The following SSB variants were observed in gnomAD, a reference collection of about 807,000 sequenced individuals.
SSB encodes the protein lupus La protein.
In SSB, 17 loss-of-function variants were observed where a neutral mutation model predicts 52.9. The observed-to-expected ratio is 0.32, with a 90% CI of 0.22 to 0.48. The LOEUF (loss-of-function observed/expected upper bound fraction) is 0.48. Among genes scored for constraint, SSB ranks in the 20% least tolerant of loss-of-function variants. The probability of loss-of-function intolerance (pLI) is 0.99; values close to 1 mark genes in which losing one functional copy is unlikely to be tolerated. For missense variants in SSB, 314 were observed against 463.6 expected (o/e 0.68, Z 2.96); for synonymous variants, 111 against 152.1 (o/e 0.73, Z 1.99).
At position 169,807,327 on chromosome 2, in the gene SSB, C is replaced by T. The variant is rs1165403699; in HGVS notation, c.554+256C>T. 2.0e-5 allele frequency among the ~76,000 whole-genome samples: 3 copies of T among 151,534 alleles called. No homozygotes were observed. The South Asian group carries it at 6.2e-4, about 32-fold the overall frequency. Reference sequence around the variant, plus strand: ...TTTTTGAGACAAGTTTCACTCTTGTCACCCAGGCTGGAGTGCAGTGGTGTG... The same window carrying T: ...TTTTTGAGACAAGTTTCACTCTTGTTACCCAGGCTGGAGTGCAGTGGTGTG... On this transcript the variant is annotated intron_variant, in intron 6 of 11. Coordinates refer to ENST00000260956, the MANE Select transcript of SSB (RefSeq NM_003142.5).
At chr2:169,805,111 C>T (rs1398488676) in intron 2 of SSB, among the ~76,000 whole-genome samples, 2 of 151,340 alleles carry the variant, frequency 1.3e-5, no homozygotes, top group East Asian at 3.9e-4. Flanking sequence ...GCCTGAGCGA[C>T]AGAGTAAGAC....
chr2:169,808,610 A>G (rs894982706), intron 7 of SSB, 57 bp downstream of exon 7: 12 of 1,453,730 alleles, frequency 8.3e-6, no homozygotes, highest in Non-Finnish European at 1.2e-5. Context: ...TCTGACAGAA[A>G]TATAGCTGGT....
intron 9 of SSB, 101 bp from the exon 10 acceptor site, chr2:169,810,757 C>A: frequency 8.7e-7 from 1 of 1,146,576 alleles, no homozygotes; most frequent in South Asian, 1.6e-5. Context: ...CTGGTAAAGA[C>A]ATGGAAGGTT....
intron 1 of SSB, 150 bp from the exon 2 acceptor site, chr2:169,800,802 T>C: frequency 3.9e-6 from 2 of 518,776 alleles, no homozygotes. Context: ...TGTTGAGATA[T>C]TTGAGAACTG....
chr2:169,803,326 G>A (rs980966840), intron 2 of SSB, among the ~76,000 whole-genome samples: 18 of 151,960 alleles, frequency 1.2e-4, no homozygotes, highest in African/African-American at 2.7e-4. Context: ...GTGCAGTGGC[G>A]TGATCTTGGC....
In SSB at chr2:169,805,677, A is replaced by G. The variant is rs1412382305; in HGVS notation, c.183A>G (p.Leu61=). 1.2e-5 allele frequency: 20 copies of G among 1,613,916 alleles called. No individual in the cohort carries two copies. Among genetic ancestry groups the G allele is most frequent in the Non-Finnish European group, 1.7e-5 (20 of 1,179,972 alleles). ...IMIKFNRLNR[L]TTDFNVIVEA... is the part of the protein sequence containing the mutation. The stretch of plus-strand genomic sequence containing the variant: ...ATGTACTCTTCAGGTTGAACCGTCT[A>G]ACAACAGACTTTAATGTAATTGTGG... Residue 61 remains leucine, a synonymous_variant, in exon 4 of 12, where the codon CTA becomes CTG. Coordinates refer to ENST00000260956, the MANE Select transcript of SSB (RefSeq NM_003142.5).
At chr2:169,809,074 G>T (rs1413983176) in intron 8 of SSB, 172 bp downstream of exon 8, 1 of 660,662 alleles carries the variant, frequency 1.5e-6, no homozygotes, top group African/African-American at 1.8e-5. Context: ...CTAAGGATAG[G>T]AAATATGTTC....
At chr2:169,808,328 ATTCC>A (rs1232945982) in intron 6 of SSB, 150 bp from the exon 7 acceptor site, 6 of 563,438 alleles carry the variant, frequency 1.1e-5, no homozygotes, top group Non-Finnish European at 1.9e-5. Context: ...GAGAGAGTAA[ATTCC>A]TTGGCATATT....
rs1689973967 is a variant in SSB, at chr2:169,811,949, T to C, written c.*193T>C. On this transcript the variant is annotated 3_prime_UTR_variant, in exon 12 of 12. Coordinates refer to ENST00000260956, the MANE Select transcript of SSB (RefSeq NM_003142.5). ...TGAATGTATTGTTCTGTTTGTGTTA[T>C]TTCAGATGATTCAAATATCAAAAGG... is the stretch of plus-strand genomic sequence containing the variant. The C allele has an allele frequency of 7.2e-7, 1 of 1,386,728 alleles. No homozygotes were observed. Among genetic ancestry groups the C allele is most frequent in the East Asian group, 2.3e-5 (1 of 43,140 alleles). The allele number at this position is 1,386,728 out of a possible 1,614,324, so 85.9% of individuals were successfully genotyped here. A position where few individuals can be genotyped will look rare whatever the true frequency, so the allele number is the denominator to read the frequency against.
chr2:169,809,342 C>T (rs1198768319), intron 8 of SSB, among the ~76,000 whole-genome samples: 2 of 152,192 alleles, frequency 1.3e-5, no homozygotes, highest in Non-Finnish European at 2.9e-5. Flanking sequence ...GATCATGCCA[C>T]TGCAGTCCAG....
chr2:169,799,149 G>A (rs1215676445), intron 1 of SSB, 173 bp downstream of exon 1: 2 of 152,152 alleles, frequency 1.3e-5, no homozygotes, highest in Non-Finnish European at 2.9e-5. Context: ...AGCCGAGGGG[G>A]CGCGGGCGGC....
rs1236648468 is a variant in SSB, at chr2:169,805,650, A to G, written c.171-15A>G. 3 of 1,613,256 alleles carry G rather than the reference A, an allele frequency of 1.9e-6. 1 individual carries two copies. In the Admixed American group the frequency reaches 5.0e-5, roughly 27 times the overall value. On this transcript the variant is annotated splice_polypyrimidine_tract_variant and intron_variant, in intron 3 of 11. Transcript: ENST00000260956. ...TGCTACTGCTGAGTCTTATGTTTTT[A>G]TATGTACTCTTCAGGTTGAACCGTC...
chr2:169,808,648 T>C, intron 7 of SSB, 95 bp downstream of exon 7: 8 of 1,204,786 alleles, frequency 6.6e-6, no homozygotes, highest in African/African-American at 1.5e-5. Flanking sequence ...CAGTAGACCT[T>C]TCTCTTTGCT....
chr2:169,800,785 G>T (rs1169665728), intron 1 of SSB, among the ~76,000 whole-genome samples, 167 bp from the exon 2 acceptor site: 1 of 152,174 alleles, frequency 6.6e-6, no homozygotes, highest in Admixed American at 6.5e-5. Flanking sequence ...ATTCCAAAGT[G>T]TTGCTTTGTT....
chr2:169,811,510 C>T (rs149778992), intron 11 of SSB, among the ~76,000 whole-genome samples, 158 bp from the exon 12 acceptor site: 1,952 of 152,294 alleles, frequency 0.013, 58 homozygotes, highest in African/African-American at 0.043. Flanking sequence ...GAAGATGAAT[C>T]TAGAGGTCAG....
chr2:169,801,545 C>T (rs2353708), intron 2 of SSB, among the ~76,000 whole-genome samples: 77,373 of 128,130 alleles, frequency 0.6, 23,870 homozygotes, highest in Admixed American at 0.71. Flanking sequence ...GATGGAGTCT[C>T]ACTCTGTTGG....
chr2:169,805,952 A>G, intron 4 of SSB, 113 bp downstream of exon 4: 2 of 1,063,858 alleles, frequency 1.9e-6, no homozygotes, highest in Non-Finnish European at 2.8e-6. Flanking sequence ...TCCTTTCGTA[A>G]TATTCTTAAC....
At chr2:169,805,360 T>G (rs1340801251) in intron 2 of SSB, 114 bp from the exon 3 acceptor site, 11 of 707,100 alleles carry the variant, frequency 1.6e-5, no homozygotes, top group Non-Finnish European at 2.3e-5. Context: ...GGAAAGTGTT[T>G]TGCCTTTTGT....
In SSB at chr2:169,810,907, A is replaced by G. The variant is rs775265757; in HGVS notation, c.860A>G (p.Lys287Arg). The G allele has an allele frequency of 6.2e-7, 1 of 1,613,462 alleles. No homozygotes were observed. Among genetic ancestry groups the G allele is most frequent in the Admixed American group, 1.7e-5 (1 of 59,944 alleles). Residue 287 changes from lysine to arginine, a missense_variant, in exon 10 of 12, where the codon AAA (lysine) becomes AGA (arginine). By Grantham distance (26) the Lys-to-Arg change is conservative. Coordinates refer to ENST00000260956, the MANE Select transcript of SSB (RefSeq NM_003142.5). The stretch of plus-strand genomic sequence containing the variant: ...GCCAAGGAAGCATTGGGTAAAGCCA[A>G]AGATGCAAATAATGGTAACCTACAA... ...EKAKEALGKA[K>R]DANNGNLQLR...
Sources: gnomAD v4.1 joint callset for allele counts (sites outside exome capture counted in the v4.1 genomes callset) on GRCh38, gnomAD v4.1.1 for gene constraint, MANE v1.5 for transcripts, NCBI Gene and HGNC (gene_info 2026-07-23, HGNC 2026-07-21) for gene names.